The following MCPH1 variants were observed in gnomAD, a reference collection of about 807,000 sequenced individuals.
MCPH1 encodes microcephalin 1.
Under a neutral mutation model 84.5 loss-of-function variants are expected in MCPH1, and 104 were observed. The observed-to-expected ratio is 1.23, with a 90% CI of 1.05 to 1.45. The LOEUF (loss-of-function observed/expected upper bound fraction) is 1.45, where lower values mean the gene tolerates loss of function less well. Among genes scored for constraint, MCPH1 ranks in the 40% most tolerant of loss-of-function variants. The pLI is 0.00. For missense variants in MCPH1, 1,498 were observed against 1,005.7 expected, an observed-to-expected ratio of 1.49 and a Z score of -6.62; for synonymous variants, 514 against 366.8, an observed-to-expected ratio of 1.40 and a Z score of -4.58.
At chr8:6,580,517 T>G (rs915323104) in intron 12 of MCPH1, among the ~76,000 whole-genome samples, 1 of 152,162 alleles carries the variant, frequency 6.6e-6, no homozygotes, top group Non-Finnish European at 1.5e-5. Context: ...TAGCTGGGCA[T>G]GGTGGCGTGT....
chr8:6,562,066 T>C lies in MCPH1; in HGVS notation c.2215-59388T>C, dbSNP rs370989793. On this transcript the variant is annotated intron_variant, in intron 12 of 13. Transcript: ENST00000344683. ...TTTACAGACGGCAAGCCCTTAGTGG[T>C]AGGGCCCTGAGATTCTGAGAAACAT... 3.0e-4 allele frequency among the ~76,000 whole-genome samples: 45 copies of C among 152,348 alleles called. No homozygotes were observed. In the East Asian group the frequency reaches 5.4e-3, roughly 18 times the overall value.
chr8:6,520,954 C>A (rs1217318703), intron 12 of MCPH1, among the ~76,000 whole-genome samples: 1 of 152,184 alleles, frequency 6.6e-6, no homozygotes, highest in Non-Finnish European at 1.5e-5. Flanking sequence ...AAAGTAGGCT[C>A]TTTACTGCCA....
At chr8:6,549,625 G>A (rs746058989) in intron 12 of MCPH1, among the ~76,000 whole-genome samples, 4 of 151,858 alleles carry the variant, frequency 2.6e-5, no homozygotes, top group African/African-American at 4.8e-5. Context: ...TTACACAGGT[G>A]CGCACAGATA....
chr8:6,466,177 G>A (rs1332977548), intron 9 of MCPH1, among the ~76,000 whole-genome samples: 3 of 125,872 alleles, frequency 2.4e-5, no homozygotes, highest in Admixed American at 9.6e-5. Flanking sequence ...TTGCTCTATC[G>A]CCAGGCTGGA....
At chr8:6,587,770 C>A (rs1378672766) in intron 12 of MCPH1, among the ~76,000 whole-genome samples, 1 of 152,148 alleles carries the variant, frequency 6.6e-6, no homozygotes, top group East Asian at 1.9e-4. Flanking sequence ...CATGTGGAGA[C>A]CCTGTCCAGA....
intron 8 of MCPH1, among the ~76,000 whole-genome samples, chr8:6,452,975 C>T (rs1805258047): frequency 6.6e-6 from 1 of 152,196 alleles, no homozygotes. Flanking sequence ...AGCCATACCT[C>T]AGCTGGGAGG....
At chr8:6,609,117 T>C (rs1338453172) in intron 12 of MCPH1, among the ~76,000 whole-genome samples, 2 of 152,206 alleles carry the variant, frequency 1.3e-5, no homozygotes, top group Admixed American at 6.5e-5. Flanking sequence ...ATGCCACCTA[T>C]CAGACCATTT....
intron 7 of MCPH1, among the ~76,000 whole-genome samples, chr8:6,443,747 G>T (rs1241679590): frequency 1.3e-5 from 2 of 152,212 alleles, no homozygotes; most frequent in Non-Finnish European, 2.9e-5. Flanking sequence ...AACCCAGGTG[G>T]GTTTGGAAGG....
At position 6,647,176 on chromosome 8, in the gene MCPH1, T is replaced by A. The variant is rs1798254515; in HGVS notation, c.*4127T>A. 2 of 152,208 alleles carry A rather than the reference T, an allele frequency of 1.3e-5. No homozygotes were observed. The highest frequency in any genetic ancestry group is 4.8e-5 in the African/African-American group (2 of 41,446). The allele number at this position is 152,208 out of a possible 1,614,324, so 9.4% of individuals were successfully genotyped here. ...ACAAATATTAAGCACATTAAAATGCTCAATATTATTAGTCACTAGGGAAAT... is the reference window on the plus strand; with the variant it reads ...ACAAATATTAAGCACATTAAAATGCACAATATTATTAGTCACTAGGGAAAT... On this transcript the variant is annotated 3_prime_UTR_variant, in exon 14 of 14. Transcript: ENST00000344683.
intron 13 of MCPH1, among the ~76,000 whole-genome samples, chr8:6,630,674 G>C (rs1797087612): frequency 6.6e-6 from 1 of 151,730 alleles, no homozygotes; most frequent in Admixed American, 6.6e-5. Context: ...CCAGCTACTT[G>C]GGAGGCTGAG....
intron 12 of MCPH1, among the ~76,000 whole-genome samples, chr8:6,592,276 C>A (rs1828518988): frequency 6.6e-6 from 1 of 151,834 alleles, no homozygotes; most frequent in South Asian, 2.1e-4. Context: ...CTCAGCCTCC[C>A]AAGTAGCTGG....
chr8:6,588,647 G>A (rs1386396171), intron 12 of MCPH1, among the ~76,000 whole-genome samples: 3 of 152,242 alleles, frequency 2.0e-5, no homozygotes, highest in Non-Finnish European at 4.4e-5. Context: ...CCACATCTCC[G>A]GGCTTCACCC....
intron 12 of MCPH1, among the ~76,000 whole-genome samples, chr8:6,542,838 A>G (rs927558726): frequency 6.6e-6 from 1 of 152,170 alleles, no homozygotes; most frequent in African/African-American, 2.4e-5. Context: ...CTTGGTCACA[A>G]TGACTATCCT....
intron 12 of MCPH1, among the ~76,000 whole-genome samples, chr8:6,533,559 C>T (rs1264637150): frequency 8.2e-6 from 1 of 122,636 alleles, no homozygotes; most frequent in Non-Finnish European, 1.7e-5. Context: ...AGATACTTAG[C>T]GTTTAGTTTC....
chr8:6,620,877 T>A (rs1462489550), intron 12 of MCPH1: 1 of 161,084 alleles, frequency 6.2e-6, no homozygotes. Context: ...TCGAGACACC[T>A]CTCTCCCCCA....
intron 13 of MCPH1, chr8:6,626,794 C>T: frequency 1.0e-6 from 1 of 985,308 alleles, no homozygotes; most frequent in East Asian, 1.1e-4. Context: ...GGGTCTGCGA[C>T]ATTTGTGCTG....
chr8:6,568,655 G>A (rs1826415466), intron 12 of MCPH1, among the ~76,000 whole-genome samples: 1 of 152,204 alleles, frequency 6.6e-6, no homozygotes, highest in Admixed American at 6.5e-5. Flanking sequence ...CACATGGAAA[G>A]GGCTCAGACA....
At chr8:6,543,239 G>A (rs1037873703) in intron 12 of MCPH1, among the ~76,000 whole-genome samples, 1 of 152,102 alleles carries the variant, frequency 6.6e-6, no homozygotes, top group Admixed American at 6.5e-5. Flanking sequence ...TAATTTACAC[G>A]AAGACTCAGC....
At chr8:6,635,454 G>T (rs1439934373) in intron 13 of MCPH1, 1 of 152,100 alleles carries the variant, frequency 6.6e-6, no homozygotes, top group African/African-American at 2.4e-5. Flanking sequence ...AATTAGCCGG[G>T]CATGGTGACA....
Sources: allele counts gnomAD v4.1 joint callset (sites outside exome capture counted in the v4.1 genomes callset), GRCh38; gene constraint gnomAD v4.1.1; transcripts MANE v1.5; gene names NCBI Gene and HGNC (gene_info 2026-07-23, HGNC 2026-07-21).